Variants in PILRB observed in about 807,000 individuals in gnomAD.
PILRB encodes paired immunoglobin like type 2 receptor beta.
Under a neutral mutation model 20.5 loss-of-function variants are expected in PILRB, and 21 were observed. The ratio of observed to expected loss-of-function variants is 1.02; its 90% CI spans 0.72 to 1.47. The LOEUF is 1.47. PILRB is among the 40% of genes most tolerant of loss of function. The probability of loss-of-function intolerance (pLI) is 0.00; values close to 1 mark genes in which losing one functional copy is unlikely to be tolerated. For missense variants in PILRB, 253 were observed against 272.1 expected (o/e 0.93, Z 0.49); for synonymous variants, 133 against 115.1 (o/e 1.16, Z -0.99).
intron 3 of PILRB, among the ~76,000 whole-genome samples, chr7:100,363,043 C>T (rs753302674): frequency 6.6e-6 from 1 of 151,164 alleles, no homozygotes; most frequent in East Asian, 1.9e-4. Context: ...CCTGTAATCC[C>T]AGCACTTTTG....
Position 100,358,155 on chromosome 7 carries a change from G to A in PILRB, c.-148G>A. 1.2e-6 allele frequency: 1 copy of A among 828,014 alleles called. No homozygotes were observed. Among genetic ancestry groups the A allele is most frequent in the Non-Finnish European group, 2.0e-6 (1 of 501,942 alleles). The allele number at this position is 828,014 out of a possible 1,614,324, so 51.3% of individuals were successfully genotyped here. A position where few individuals can be genotyped will look rare whatever the true frequency, so the allele number is the denominator to read the frequency against. On this transcript the variant is annotated 5_prime_UTR_variant, in exon 1 of 4. Transcript: ENST00000609309. The stretch of plus-strand genomic sequence containing the variant: ...GTCACCCTGGAGGTGTACTGGTTTG[G>A]GGAAGGTCCCCGGCCCCCACAGCCC...
intron 3 of PILRB, among the ~76,000 whole-genome samples, chr7:100,360,782 T>A (rs2130102489): frequency 6.6e-6 from 1 of 152,028 alleles, no homozygotes; most frequent in South Asian, 2.1e-4. Context: ...ATTGTTAGAT[T>A]GATGTAGGGG....
intron 3 of PILRB, among the ~76,000 whole-genome samples, chr7:100,364,828 C>CTG (rs1790630052): frequency 6.6e-6 from 1 of 152,126 alleles, no homozygotes; most frequent in Non-Finnish European, 1.5e-5. Context: ...AATACGGTGT[C>CTG]TGTAGTCCAA....
intron 3 of PILRB, among the ~76,000 whole-genome samples, chr7:100,363,084 A>G (rs919022139): frequency 4.7e-5 from 7 of 148,392 alleles, no homozygotes; most frequent in Non-Finnish European, 3.0e-5. Context: ...ACATGAGGCT[A>G]TGAGTTTGAG....
Position 100,367,403 on chromosome 7 carries a change from G to A in PILRB, c.*26G>A. 3.8e-6 allele frequency: 3 copies of A among 781,070 alleles called. No homozygotes were observed. Among genetic ancestry groups the A allele is most frequent in the East Asian group, 2.4e-5 (1 of 41,256 alleles). The allele number at this position is 781,070 out of a possible 1,614,324, so 48.4% of individuals were successfully genotyped here. On this transcript the variant is annotated 3_prime_UTR_variant, in exon 4 of 4. Coordinates refer to ENST00000609309, the MANE Select transcript of PILRB (RefSeq NM_178238.4). ...CCAACAGAGTGTGGGGAGAAGGGAT[G>A]TGTATTAGCCCCGGAGGACGTGATG... is the stretch of plus-strand genomic sequence containing the variant.
intron 3 of PILRB, among the ~76,000 whole-genome samples, chr7:100,362,117 T>C (rs1437490691): frequency 1.3e-5 from 2 of 151,692 alleles, no homozygotes; most frequent in Non-Finnish European, 2.9e-5. Flanking sequence ...AAATAGTAGA[T>C]TACAAAGGAT....
chr7:100,358,688 A>C lies in PILRB; in HGVS notation c.65-2A>C. 2.5e-6 allele frequency: 4 copies of C among 1,612,936 alleles called. No individual in the cohort carries two copies. In the South Asian group the frequency reaches 3.3e-5, roughly 13 times the overall value. ...CCCCCACTCACTCCCTCCTTCCTCT[A>C]GGTGGCTCCACAGGATCTGGTCCAA... On this transcript the variant is annotated splice_acceptor_variant, in intron 1 of 3. Coordinates refer to ENST00000609309, the MANE Select transcript of PILRB (RefSeq NM_178238.4). LOFTEE classifies it high-confidence loss of function.
intron 2 of PILRB, 85 bp from the exon 3 acceptor site, chr7:100,359,252 C>A: frequency 6.5e-7 from 1 of 1,532,664 alleles, no homozygotes. Flanking sequence ...TGAATGTCCC[C>A]AATCTAGAAA....
chr7:100,367,691 C>G lies in PILRB; in HGVS notation c.*314C>G, dbSNP rs191449201. The G allele has an allele frequency of 1.1e-5, 4 of 369,920 alleles. No individual in the cohort carries two copies. The highest frequency in any genetic ancestry group is 1.5e-5 in the Non-Finnish European group (3 of 203,836). 22.9% of individuals were successfully genotyped at this position (369,920 alleles called of 1,614,324 possible). ...ATAGCAGTGCAAAGAGTTCCTTTAT[C>G]CTCCCCAAGGATGGAAAAATACAAT... is the stretch of plus-strand genomic sequence containing the variant. On this transcript the variant is annotated 3_prime_UTR_variant, in exon 4 of 4. Transcript: ENST00000609309.
rs1216316470 is a variant in PILRB at position 100,367,333 on chromosome 7, A to G, written c.656-16A>G. On this transcript the variant is annotated splice_polypyrimidine_tract_variant and intron_variant, in intron 3 of 3. Transcript: ENST00000609309. Reference sequence around the variant, plus strand: ...TAATCCTGGCCCTGCATCTAAAAACACTTCCCCTCCTGCAGGTAGCAGGGC... The same window carrying G: ...TAATCCTGGCCCTGCATCTAAAAACGCTTCCCCTCCTGCAGGTAGCAGGGC... 10 of 780,780 alleles carry G rather than the reference A, an allele frequency of 1.3e-5. No individual in the cohort carries two copies. Among genetic ancestry groups the G allele is most frequent in the Non-Finnish European group, 2.4e-5 (10 of 418,018 alleles). 48.4% of individuals were successfully genotyped at this position (780,780 alleles called of 1,614,324 possible). A position where few individuals can be genotyped will look rare whatever the true frequency, so the allele number is the denominator to read the frequency against.
Position 100,367,498 on chromosome 7 carries a change from CT to C in PILRB, c.*124del. On this transcript the variant is annotated 3_prime_UTR_variant, in exon 4 of 4. Transcript: ENST00000609309. ...GATACATGGAGAGCACCCTGAGGAC[CT>C]TTAAAAGGCAAAGCCGCAAGGCAGA... 1 of 722,798 alleles carries C rather than the reference CT, an allele frequency of 1.4e-6. No individual in the cohort carries two copies. The highest frequency in any genetic ancestry group is 1.4e-5 in the South Asian group (1 of 69,122). The allele number at this position is 722,798 out of a possible 1,614,324, so 44.8% of individuals were successfully genotyped here.
intron 3 of PILRB, among the ~76,000 whole-genome samples, chr7:100,367,041 G>C (rs753501327): frequency 6.6e-6 from 1 of 152,042 alleles, no homozygotes; most frequent in Non-Finnish European, 1.5e-5. Flanking sequence ...AGGTGGGATG[G>C]AGACTGCTAT....
rs1475236708 is a variant in PILRB, at chr7:100,358,335, C to G, written c.33C>G (p.Leu11=). 2 of 1,612,780 alleles carry G rather than the reference C, an allele frequency of 1.2e-6. No homozygotes were observed. Among genetic ancestry groups the G allele is most frequent in the Non-Finnish European group, 1.7e-6 (2 of 1,179,878 alleles). ...GGCCCCTGCTGCTGCCCCTGCTGCTCCTGCTGCAGCCGCCAGCATTTCTGC... is the reference window on the plus strand; with the variant it reads ...GGCCCCTGCTGCTGCCCCTGCTGCTGCTGCTGCAGCCGCCAGCATTTCTGC... MGRPLLLPLL[L]LLQPPAFLQP... Residue 11 remains leucine, a synonymous_variant, in exon 1 of 4, where the codon CTC becomes CTG. Transcript: ENST00000609309.
In PILRB at chr7:100,367,422, C is replaced by A; in HGVS notation, c.*45C>A. 1.3e-6 allele frequency: 1 copy of A among 780,028 alleles called. No homozygotes were observed. Among genetic ancestry groups the A allele is most frequent in the Non-Finnish European group, 2.4e-6 (1 of 417,274 alleles). 48.3% of individuals were successfully genotyped at this position (780,028 alleles called of 1,614,324 possible). A position where few individuals can be genotyped will look rare whatever the true frequency, so the allele number is the denominator to read the frequency against. Reference sequence around the variant, plus strand: ...AGGGATGTGTATTAGCCCCGGAGGACGTGATGTGAGACCCGCTTGTGAGTC... The same window carrying A: ...AGGGATGTGTATTAGCCCCGGAGGAAGTGATGTGAGACCCGCTTGTGAGTC... On this transcript the variant is annotated 3_prime_UTR_variant, in exon 4 of 4. Coordinates refer to ENST00000609309, the MANE Select transcript of PILRB (RefSeq NM_178238.4).
intron 2 of PILRB, 55 bp downstream of exon 2, chr7:100,359,134 ACC>A: frequency 6.2e-7 from 1 of 1,605,710 alleles, no homozygotes. Flanking sequence ...GGTTTTGGTG[ACC>A]ACTGATGTCT....
Position 100,359,045 on chromosome 7 carries a change from G to A in PILRB, c.420G>A (p.Gln140=). The A allele has an allele frequency of 1.2e-6, 2 of 1,614,104 alleles. No individual in the cohort carries two copies. Among genetic ancestry groups the A allele is most frequent in the Non-Finnish European group, 1.7e-6 (2 of 1,180,020 alleles). The change falls in exon 2 of 4, where the codon CAG becomes CAA. Residue 140 remains glutamine (Q), a synonymous_variant. Transcript: ENST00000609309. ...DTRRSGRQQL[Q]SIKGTKLTIT... ...GGAGATCAGGGAGGCAGCAGTTGCA[G>A]TCCATCAAGGGGACCAAACTCACCA...
intron 3 of PILRB, among the ~76,000 whole-genome samples, chr7:100,365,753 G>A (rs1785022573): frequency 6.6e-6 from 1 of 152,112 alleles, no homozygotes; most frequent in African/African-American, 2.4e-5. Flanking sequence ...AGGAGATGGA[G>A]GTTGCAGTGA....
chr7:100,361,118 G>C (rs1009791923), intron 3 of PILRB, among the ~76,000 whole-genome samples: 3 of 151,962 alleles, frequency 2.0e-5, no homozygotes, highest in Non-Finnish European at 4.4e-5. Context: ...TGTAGTTTTA[G>C]TAGAGACGGG....
chr7:100,362,545 G>A (rs183080944), intron 3 of PILRB, among the ~76,000 whole-genome samples: 1 of 151,286 alleles, frequency 6.6e-6, no homozygotes, highest in African/African-American at 2.4e-5. Flanking sequence ...GCCTCGCTCT[G>A]TTGCCCAGCC....
Sources: allele counts gnomAD v4.1 joint callset (sites outside exome capture counted in the v4.1 genomes callset), GRCh38; gene constraint gnomAD v4.1.1; transcripts MANE v1.5; gene names NCBI Gene and HGNC (gene_info 2026-07-23, HGNC 2026-07-21).